The following NTM variants were observed in gnomAD, a reference collection of about 807,000 sequenced individuals.
The protein encoded by NTM is IgLON family member 2.
In NTM, 13 loss-of-function variants were observed where a neutral mutation model predicts 42.1. The ratio of observed to expected loss-of-function variants is 0.31; its 90% CI spans 0.20 to 0.49. NTM has a LOEUF of 0.49. NTM is among the 20% of genes least tolerant of loss of function. NTM has a pLI of 0.99. For missense variants in NTM, 373 were observed against 452.8 expected (o/e 0.82, Z 1.60); for synonymous variants, 187 against 179.2 (o/e 1.04, Z -0.35).
intron 3 of NTM, among the ~76,000 whole-genome samples, chr11:132,166,002 T>C (rs1292396327): frequency 6.6e-6 from 1 of 152,154 alleles, no homozygotes; most frequent in African/African-American, 2.4e-5. Context: ...AGCTATTTAG[T>C]AGATATATCA....
At chr11:131,481,981 G>T (rs960490387) in intron 1 of NTM, among the ~76,000 whole-genome samples, 3 of 152,140 alleles carry the variant, frequency 2.0e-5, no homozygotes, top group African/African-American at 7.2e-5. Flanking sequence ...TGATAATTAA[G>T]ATAGATGCCG....
chr11:131,900,638 T>G (rs998462935), intron 1 of NTM, among the ~76,000 whole-genome samples: 1 of 148,876 alleles, frequency 6.7e-6, no homozygotes, highest in Non-Finnish European at 1.5e-5. Flanking sequence ...GGAAAAAGAC[T>G]GAGAGAGAGA....
At chr11:132,233,038 G>A (rs2087961445) in intron 4 of NTM, among the ~76,000 whole-genome samples, 1 of 152,168 alleles carries the variant, frequency 6.6e-6, no homozygotes. Flanking sequence ...AATGAAGAGA[G>A]TTGAACGTTA....
intron 1 of NTM, among the ~76,000 whole-genome samples, chr11:131,554,018 A>C (rs1398217657): frequency 6.6e-6 from 1 of 152,118 alleles, no homozygotes; most frequent in East Asian, 1.9e-4. Flanking sequence ...TCATTTATCA[A>C]CTGTTCAAGG....
chr11:132,070,795 C>A (rs1488018152), intron 2 of NTM, among the ~76,000 whole-genome samples: 7 of 130,924 alleles, frequency 5.3e-5, no homozygotes, highest in South Asian at 5.6e-4. Context: ...TAACACGTCA[C>A]ACTGACCGTC....
chr11:131,660,865 C>T (rs898517478), intron 1 of NTM: 2 of 1,234,544 alleles, frequency 1.6e-6, no homozygotes, highest in African/African-American at 1.6e-5. Flanking sequence ...CGGAAGCTGG[C>T]CTTGATTTCA....
chr11:131,973,768 G>T (rs957632032), intron 2 of NTM, among the ~76,000 whole-genome samples: 2 of 152,174 alleles, frequency 1.3e-5, no homozygotes, highest in Admixed American at 6.5e-5. Flanking sequence ...AGTGAGCCGA[G>T]ATTGCACCAC....
At chr11:131,676,792 C>T (rs931304531) in intron 1 of NTM, among the ~76,000 whole-genome samples, 16 of 152,168 alleles carry the variant, frequency 1.1e-4, no homozygotes, top group African/African-American at 2.9e-4. Context: ...AAGAACAAGG[C>T]GTCTTCTTCC....
intron 1 of NTM, among the ~76,000 whole-genome samples, chr11:131,791,685 A>G (rs1248274728): frequency 2.6e-5 from 4 of 152,224 alleles, no homozygotes; most frequent in South Asian, 4.1e-4. Flanking sequence ...AACACAGAAT[A>G]TCTGCTGTGT....
chr11:131,401,824 A>ATATATGTGTG (rs1555101768), intron 1 of NTM, among the ~76,000 whole-genome samples: 2 of 64,120 alleles, frequency 3.1e-5, no homozygotes, highest in African/African-American at 1.2e-4. Flanking sequence ...ATATATATAT[A>ATATATGTGTG]TATATATATA....
At chr11:131,919,202 C>T (rs1025930865) in intron 2 of NTM, among the ~76,000 whole-genome samples, 1 of 151,278 alleles carries the variant, frequency 6.6e-6, no homozygotes, top group Non-Finnish European at 1.5e-5. Flanking sequence ...TGTTTGTTCT[C>T]TTAGGTTGAA....
intron 2 of NTM, among the ~76,000 whole-genome samples, chr11:131,971,778 G>T (rs1414118668): frequency 3.9e-5 from 6 of 151,994 alleles, no homozygotes. Context: ...GGGCGCAGTG[G>T]CTCACGCCTG....
At chr11:132,136,818 G>A (rs1166269575) in intron 2 of NTM, among the ~76,000 whole-genome samples, 1 of 152,148 alleles carries the variant, frequency 6.6e-6, no homozygotes, top group Non-Finnish European at 1.5e-5. Flanking sequence ...GTCGGATTCT[G>A]GGGTTTGCTG....
At chr11:131,755,197 A>AT (rs1175625634) in intron 1 of NTM, among the ~76,000 whole-genome samples, 1 of 152,216 alleles carries the variant, frequency 6.6e-6, no homozygotes, top group African/African-American at 2.4e-5. Flanking sequence ...AAGTTATACA[A>AT]TAAAAATTGG....
intron 2 of NTM, among the ~76,000 whole-genome samples, chr11:132,119,201 A>C (rs981782708): frequency 6.6e-6 from 1 of 152,174 alleles, no homozygotes; most frequent in Non-Finnish European, 1.5e-5. Flanking sequence ...CTCTGTGGTC[A>C]CCCTGGACAC....
At chr11:131,619,538 C>G (rs547880864) in intron 1 of NTM, among the ~76,000 whole-genome samples, 1 of 152,268 alleles carries the variant, frequency 6.6e-6, no homozygotes, top group Admixed American at 6.5e-5. Flanking sequence ...TACGTTGCAG[C>G]ATTTTGTCTT....
At chr11:131,735,175 T>C (rs1270771268) in intron 1 of NTM, among the ~76,000 whole-genome samples, 10 of 152,226 alleles carry the variant, frequency 6.6e-5, no homozygotes, top group Non-Finnish European at 1.5e-4. Flanking sequence ...GTTTTCATAA[T>C]GAAAGCCAAA....
intron 1 of NTM, among the ~76,000 whole-genome samples, chr11:131,715,581 G>A (rs566276186): frequency 2.6e-5 from 4 of 152,252 alleles, no homozygotes; most frequent in East Asian, 3.9e-4. Context: ...CATAGTGAAC[G>A]TATCCATCAA....
At chr11:132,310,466 T>C (rs572581232) in intron 6 of NTM, among the ~76,000 whole-genome samples, 13 of 152,306 alleles carry the variant, frequency 8.5e-5, no homozygotes, top group African/African-American at 2.9e-4. Context: ...GAAAGGTAAC[T>C]TTTTTTAGGA....
Sources: allele counts gnomAD v4.1 joint callset (sites outside exome capture counted in the v4.1 genomes callset), GRCh38; gene constraint gnomAD v4.1.1; transcripts MANE v1.5; gene names NCBI Gene and HGNC (gene_info 2026-07-23, HGNC 2026-07-21).